Variants in AAGAB observed in about 807,000 individuals in gnomAD.
The protein encoded by AAGAB is alpha- and gamma-adaptin-binding protein p34.
A neutral mutation model predicts 44.1 loss-of-function variants in AAGAB; 38 were observed. That is an observed-to-expected ratio of 0.86 (90% CI 0.67 to 1.13). The LOEUF is 1.13. AAGAB is among the 50% of genes most tolerant of loss of function. The pLI is 0.00. For missense variants in AAGAB, 450 were observed against 373.8 expected (o/e 1.20, Z -1.68); for synonymous variants, 131 against 131.8 (o/e 0.99, Z 0.04).
chr15:67,224,280 T>C (rs764003433), intron 5 of AAGAB, among the ~76,000 whole-genome samples: 1 of 152,208 alleles, frequency 6.6e-6, no homozygotes, highest in Admixed American at 6.5e-5. Flanking sequence ...GCCTAAATTA[T>C]GGACTAGAGA....
intron 1 of AAGAB, among the ~76,000 whole-genome samples, chr15:67,249,042 T>A (rs1382923432): frequency 6.7e-6 from 1 of 148,280 alleles, no homozygotes; most frequent in Non-Finnish European, 1.5e-5. Context: ...AACCCAGAAA[T>A]TTTTTTTTTT....
chr15:67,233,262 TA>T (rs2140375483), intron 4 of AAGAB, among the ~76,000 whole-genome samples: 1 of 152,364 alleles, frequency 6.6e-6, no homozygotes, highest in African/African-American at 2.4e-5. Context: ...ACTAGAAGTG[TA>T]AGAGACAGGC....
At chr15:67,210,736 C>T (rs1963798673) in intron 5 of AAGAB, among the ~76,000 whole-genome samples, 1 of 152,208 alleles carries the variant, frequency 6.6e-6, no homozygotes, top group Non-Finnish European at 1.5e-5. Context: ...AGGACGCTAT[C>T]TGAGATTCAC....
chr15:67,251,606 G>T (rs1964874689), intron 1 of AAGAB, among the ~76,000 whole-genome samples: 1 of 152,088 alleles, frequency 6.6e-6, no homozygotes, highest in South Asian at 2.1e-4. Context: ...TTTCCCACTG[G>T]TGGTTAAAAG....
chr15:67,236,314 G>A (rs16950788), intron 3 of AAGAB, 94 bp downstream of exon 3: 16 of 1,189,100 alleles, frequency 1.3e-5, no homozygotes, highest in Non-Finnish European at 1.8e-5. Flanking sequence ...AAGTCACATG[G>A]GATGTATGTC....
intron 5 of AAGAB, among the ~76,000 whole-genome samples, chr15:67,209,760 C>T (rs746139064): frequency 1.3e-5 from 2 of 152,214 alleles, no homozygotes; most frequent in Admixed American, 6.5e-5. Context: ...TCAAGTGATC[C>T]TCCTTCCTCA....
At chr15:67,233,389 T>C (rs1241611797) in intron 4 of AAGAB, among the ~76,000 whole-genome samples, 3 of 151,996 alleles carry the variant, frequency 2.0e-5, no homozygotes, top group African/African-American at 4.8e-5. Context: ...CCAAAAAAGG[T>C]GGTATTCTTA....
chr15:67,239,182 G>A (rs1397296263), intron 1 of AAGAB, among the ~76,000 whole-genome samples: 1 of 152,052 alleles, frequency 6.6e-6, no homozygotes, highest in Non-Finnish European at 1.5e-5. Flanking sequence ...GTTAAAAACT[G>A]ATATCAAAAA....
chr15:67,213,192 A>G (rs945904872), intron 5 of AAGAB, among the ~76,000 whole-genome samples: 5 of 152,218 alleles, frequency 3.3e-5, no homozygotes, highest in Non-Finnish European at 7.3e-5. Flanking sequence ...TACTCTAGTA[A>G]GTTGACACCA....
chr15:67,238,727 G>A (rs1441284423), intron 1 of AAGAB, among the ~76,000 whole-genome samples: 3 of 146,618 alleles, frequency 2.0e-5, no homozygotes, highest in Non-Finnish European at 4.5e-5. Context: ...ACGGAGTCTC[G>A]CTCTGTTGCG....
chr15:67,214,740 A>G (rs890390329), intron 5 of AAGAB, among the ~76,000 whole-genome samples: 15 of 151,946 alleles, frequency 9.9e-5, no homozygotes, highest in Non-Finnish European at 1.9e-4. Flanking sequence ...TCCCGGGTTC[A>G]GGCCGTTCTC....
chr15:67,253,231 C>CCTGGGCAACATAGCAAGA (rs1964923240), intron 1 of AAGAB, among the ~76,000 whole-genome samples: 1 of 142,096 alleles, frequency 7.0e-6, no homozygotes, highest in African/African-American at 2.7e-5. Context: ...TCCAGACCAG[C>CCTGGGCAACATAGCAAGA]CTGGGCAACA....
At position 67,202,389 on chromosome 15, in the gene AAGAB, A is replaced by C. The variant is rs556226224; in HGVS notation, c.*432T>G. On this transcript the variant is annotated 3_prime_UTR_variant, in exon 10 of 10. Coordinates refer to ENST00000261880, the MANE Select transcript of AAGAB (RefSeq NM_024666.5). ...AAAAGCATCATAGCTCAGAGCTACA[A>C]GCTCCTTGAATGGAGAAAACCCAAA... 1.3e-4 allele frequency: 21 copies of C among 162,676 alleles called. No homozygotes were observed. The East Asian group carries it at 3.2e-3, about 25-fold the overall frequency. The allele number at this position is 162,676 out of a possible 1,614,324, so 10.1% of individuals were successfully genotyped here.
At chr15:67,222,232 GCGCGCGCGCGCA>G (rs1567020872) in intron 5 of AAGAB, among the ~76,000 whole-genome samples, 1 of 81,948 alleles carries the variant, frequency 1.2e-5, no homozygotes, top group African/African-American at 4.7e-5. Flanking sequence ...GCACGCGCAC[GCGCGCGCGCGCA>G]CACACACACA....
At chr15:67,254,995 T>C (rs1282436431), upstream of AAGAB, 2 of 1,574,442 alleles carry the variant, frequency 1.3e-6, no homozygotes, top group South Asian at 2.2e-5. Flanking sequence ...CCGCGCCACT[T>C]CCGAGCGAGG....
At chr15:67,226,412 A>G (rs1964205818) in intron 5 of AAGAB, among the ~76,000 whole-genome samples, 1 of 152,160 alleles carries the variant, frequency 6.6e-6, no homozygotes, top group Non-Finnish European at 1.5e-5. Flanking sequence ...GTGAGACACC[A>G]TGCCTGGCCA....
intron 7 of AAGAB, 49 bp from the exon 8 acceptor site, chr15:67,204,197 C>T: frequency 4.6e-6 from 6 of 1,303,692 alleles, no homozygotes; most frequent in Non-Finnish European, 5.5e-6. Flanking sequence ...TGCATATGTG[C>T]TACACTCAGA....
Position 67,235,432 on chromosome 15 carries a change from G to A in AAGAB, c.451+547C>T, listed in dbSNP as rs1185122630. Among the ~76,000 whole-genome samples the A allele has an allele frequency of 2.0e-5, 3 of 152,146 alleles. No homozygotes were observed. In the East Asian group the frequency reaches 5.8e-4, roughly 29 times the overall value. The stretch of plus-strand genomic sequence containing the variant: ...GGAGAAAAGATGAGAAAAGAAATGG[G>A]GAAGGGGAGTAGAAGAGGGGAAGAA... On this transcript the variant is annotated intron_variant, in intron 4 of 9. Coordinates refer to ENST00000261880, the MANE Select transcript of AAGAB (RefSeq NM_024666.5).
chr15:67,224,364 A>C (rs1595993396), intron 5 of AAGAB, among the ~76,000 whole-genome samples: 1 of 152,300 alleles, frequency 6.6e-6, no homozygotes, highest in Middle Eastern at 3.4e-3. Context: ...CCAGATAATC[A>C]GGTACTTATA....
Sources: gnomAD v4.1 joint callset for allele counts (sites outside exome capture counted in the v4.1 genomes callset) on GRCh38, gnomAD v4.1.1 for gene constraint, MANE v1.5 for transcripts, NCBI Gene and HGNC (gene_info 2026-07-23, HGNC 2026-07-21) for gene names.